The following PLA1A variants were observed in gnomAD, a reference collection of about 807,000 sequenced individuals.
The protein encoded by PLA1A is phosphatidylserine-specific phospholipase A1alpha.
PLA1A carries 47 observed loss-of-function variants against 49.4 expected under a neutral mutation model. That is an observed-to-expected ratio of 0.95 (90% confidence interval 0.75 to 1.21). PLA1A has a LOEUF of 1.21. Among genes scored for constraint, PLA1A ranks in the 50% most tolerant of loss-of-function variants. The pLI is 0.00. For synonymous variants in PLA1A, 224 were observed against 207.9 expected (o/e 1.08, Z -0.67); for missense variants, 561 against 563.9 (o/e 0.99, Z 0.05).
At chr3:119,600,792 C>G (rs1363701720) in intron 1 of PLA1A, among the ~76,000 whole-genome samples, 2 of 152,250 alleles carry the variant, frequency 1.3e-5, no homozygotes, top group Non-Finnish European at 2.9e-5. Context: ...CACAGGTCAT[C>G]TGATAGCACA....
intron 2 of PLA1A, 75 bp downstream of exon 2, chr3:119,607,050 G>C (rs1001528620): frequency 1.7e-6 from 2 of 1,191,530 alleles, no homozygotes; most frequent in Admixed American, 1.7e-5. Context: ...GAAGTTAGTG[G>C]GCAACAAGGG....
rs111685693 is a variant in PLA1A at position 119,607,336 on chromosome 3, G to A, written c.275+361G>A. Among the ~76,000 whole-genome samples the A allele has an allele frequency of 7.3e-3, 1,112 of 152,156 alleles. 14 individuals are homozygous for A. Among genetic ancestry groups the A allele is most frequent in the African/African-American group, 0.024 (1,016 of 41,508 alleles). ...ACTTCCATTTATGGGTGCTACTTCC[G>A]TCATACCCAGAGGTTATGGGTGTGA... On this transcript the variant is annotated intron_variant, in intron 2 of 10. Transcript: ENST00000273371.
At chr3:119,620,970 T>C (rs2082920978) in intron 8 of PLA1A, among the ~76,000 whole-genome samples, 1 of 152,214 alleles carries the variant, frequency 6.6e-6, no homozygotes, top group Non-Finnish European at 1.5e-5. Context: ...ACCACCACCA[T>C]GCTTCCATCT....
rs777235555 is a variant in PLA1A, at chr3:119,628,747, C to CCACAA, written c.1169_1173dup (p.Cys392HisfsTer5). On this transcript the variant is annotated frameshift_variant, in exon 10 of 11. Transcript: ENST00000273371. LOFTEE classifies it high-confidence loss of function. Reference sequence around the variant, plus strand: ...GAAAGGAATCATAGCCCATGCCACCCCACAATGCCAGATAAACCAAGTGAA... The same window carrying CCACAA: ...GAAAGGAATCATAGCCCATGCCACCCCACAACACAATGCCAGATAAACCAAGTGAA... The CCACAA allele has an allele frequency of 1.2e-6, 2 of 1,614,050 alleles. No homozygotes were observed. The highest frequency in any genetic ancestry group is 1.7e-6 in the Non-Finnish European group (2 of 1,179,890).
At chr3:119,623,657 G>C (rs1023882576) in intron 8 of PLA1A, among the ~76,000 whole-genome samples, 6 of 151,790 alleles carry the variant, frequency 4.0e-5, no homozygotes, top group African/African-American at 1.5e-4. Context: ...CTTCCCTGAC[G>C]CTGGGTGTGT....
chr3:119,619,186 CCACTAGT>C (rs1387626971), intron 7 of PLA1A, among the ~76,000 whole-genome samples: 12 of 152,210 alleles, frequency 7.9e-5, no homozygotes, highest in Non-Finnish European at 1.8e-4. Flanking sequence ...CACCTGTCAT[CCACTAGT>C]CTTCAGGTCA....
At chr3:119,610,864 A>T (rs1475564807) in intron 4 of PLA1A, among the ~76,000 whole-genome samples, 1 of 152,024 alleles carries the variant, frequency 6.6e-6, no homozygotes, top group Non-Finnish European at 1.5e-5. Context: ...GCTTTTGAGG[A>T]CTTGGTCATA....
At chr3:119,608,632 A>T in intron 2 of PLA1A, 138 bp from the exon 3 acceptor site, 1 of 689,618 alleles carries the variant, frequency 1.5e-6, no homozygotes, top group Non-Finnish European at 2.5e-6. Flanking sequence ...TGCTCCAAGT[A>T]CTGTGTAATA....
In PLA1A at chr3:119,597,953, GGCCTC is replaced by G. The variant is rs2082563482; in HGVS notation, c.41_45del (p.Gly14AspfsTer22). On this transcript the variant is annotated frameshift_variant, in exon 1 of 11. Transcript: ENST00000273371. LOFTEE classifies it high-confidence loss of function. ...CTGGGAGAGCTGCTTCTGGGTGGGG[GGCCTC>G]ATTTTGTGGCTCAGCGTTGGAAGTT... The G allele has an allele frequency of 1.2e-6, 2 of 1,610,534 alleles. No homozygotes were observed. The highest frequency in any genetic ancestry group is 2.7e-5 in the African/African-American group (2 of 74,808).
Position 119,626,456 on chromosome 3 carries a change from A to C in PLA1A, c.1121+1224A>C, listed in dbSNP as rs1253869511. 2.0e-5 allele frequency among the ~76,000 whole-genome samples: 3 copies of C among 152,182 alleles called. No individual in the cohort carries two copies. In the East Asian group the frequency reaches 5.8e-4, roughly 29 times the overall value. On this transcript the variant is annotated intron_variant, in intron 9 of 10. Transcript: ENST00000273371. ...TGAGCAGGCTTTCCAGGAGCTACCC[A>C]GGCCAGGCTTAGAGAGAATGTGACA...
chr3:119,622,587 T>G (rs12631518), intron 8 of PLA1A, among the ~76,000 whole-genome samples: 72,800 of 151,954 alleles, frequency 0.48, 18,314 homozygotes, highest in East Asian at 0.88. Flanking sequence ...AACTTAGTGC[T>G]GAGTTCACCT....
At chr3:119,617,905 C>T in intron 6 of PLA1A, 114 bp from the exon 7 acceptor site, 1 of 727,422 alleles carries the variant, frequency 1.4e-6, no homozygotes, top group South Asian at 2.0e-5. Context: ...TGAGGGGACT[C>T]CCATGCATGT....
In PLA1A at chr3:119,627,061, CCAATCACATCAGGGT is replaced by C. The variant is rs560762311; in HGVS notation, c.1122-1638_1122-1624del. ...CTGACGCCAAGCCCCCCAACCCAGA[CCAATCACATCAGGGT>C]CTCTGGGCATAGGCTCCACAGCTAC... On this transcript the variant is annotated intron_variant, in intron 9 of 10. Transcript: ENST00000273371. Among the ~76,000 whole-genome samples the C allele has an allele frequency of 6.6e-3, 1,003 of 152,308 alleles. 12 individuals are homozygous for C. The highest frequency in any genetic ancestry group is 0.023 in the African/African-American group (958 of 41,542).
chr3:119,600,569 C>T (rs2082605385), intron 1 of PLA1A, among the ~76,000 whole-genome samples: 1 of 152,172 alleles, frequency 6.6e-6, no homozygotes, highest in Non-Finnish European at 1.5e-5. Flanking sequence ...ATCCCCAGAG[C>T]CTCACCCAGG....
At chr3:119,615,347 G>C (rs1033957788) in intron 5 of PLA1A, among the ~76,000 whole-genome samples, 3 of 152,090 alleles carry the variant, frequency 2.0e-5, no homozygotes, top group Admixed American at 2.0e-4. Context: ...ATATGTTTTT[G>C]GGGAGACTGT....
intron 8 of PLA1A, among the ~76,000 whole-genome samples, chr3:119,622,093 G>GAAGAAT (rs2082942006): frequency 6.9e-6 from 1 of 144,314 alleles, no homozygotes; most frequent in African/African-American, 2.7e-5. Context: ...GAAGAAAGAA[G>GAAGAAT]AAGAAGAAGA....
chr3:119,624,896 G>T (rs534420481), intron 8 of PLA1A, among the ~76,000 whole-genome samples: 2 of 152,348 alleles, frequency 1.3e-5, no homozygotes, highest in South Asian at 4.1e-4. Flanking sequence ...CTCCCAAAGT[G>T]CTGGGATTAC....
Position 119,604,180 on chromosome 3 carries a change from G to A in PLA1A, c.74-2594G>A, listed in dbSNP as rs189297384. Among the ~76,000 whole-genome samples, 31 of 152,282 alleles carry A rather than the reference G, an allele frequency of 2.0e-4. No individual in the cohort carries two copies. In the East Asian group the frequency reaches 3.5e-3, roughly 17 times the overall value. ...TGTAAATTAGTATAGCCACTATGGA[G>A]AATACGATGGAGGCTCCTCAGAAAA... is the stretch of plus-strand genomic sequence containing the variant. On this transcript the variant is annotated intron_variant, in intron 1 of 10. Transcript: ENST00000273371.
intron 8 of PLA1A, among the ~76,000 whole-genome samples, chr3:119,622,604 A>C (rs987557741): frequency 1.3e-5 from 2 of 152,126 alleles, no homozygotes; most frequent in Non-Finnish European, 2.9e-5. Context: ...ACCTGCATCC[A>C]GTTTATGTTC....
Sources: allele counts gnomAD v4.1 joint callset (sites outside exome capture counted in the v4.1 genomes callset), GRCh38; gene constraint gnomAD v4.1.1; transcripts MANE v1.5; gene names NCBI Gene and HGNC (gene_info 2026-07-23, HGNC 2026-07-21).